The following VPS13A variants were observed in gnomAD, a reference collection of about 807,000 sequenced individuals.
VPS13A encodes the protein intermembrane lipid transfer protein VPS13A.
VPS13A carries 264 observed loss-of-function variants against 390.9 expected under a neutral mutation model. The ratio of observed to expected loss-of-function variants is 0.68; its 90% confidence interval spans 0.61 to 0.75. The LOEUF is 0.75. Ranked by LOEUF, VPS13A falls within the 30% of genes least tolerant of loss-of-function variation. The pLI is 0.00. For missense variants in VPS13A, 3,409 were observed against 3,733.9 expected (o/e 0.91, Z 2.27); for synonymous variants, 1,231 against 1,227.1 (o/e 1.00, Z -0.07).
intron 42 of VPS13A, among the ~76,000 whole-genome samples, 170 bp from the exon 43 acceptor site, chr9:77,320,999 C>A (rs1309538240): frequency 1.3e-5 from 2 of 151,860 alleles, no homozygotes; most frequent in Non-Finnish European, 1.5e-5. Flanking sequence ...TACTTCTGTC[C>A]TTTATGACCT....
chr9:77,332,206 T>C, intron 46 of VPS13A, 93 bp downstream of exon 46: 1 of 938,838 alleles, frequency 1.1e-6, no homozygotes, highest in South Asian at 1.3e-5. Context: ...AAATCCATCC[T>C]GCTAATAGCT....
chr9:77,294,381 A>G (rs1412579592), intron 32 of VPS13A, among the ~76,000 whole-genome samples: 2 of 151,556 alleles, frequency 1.3e-5, no homozygotes, highest in African/African-American at 4.9e-5. Context: ...GTCAGCTGAT[A>G]TTTTTTCCTG....
intron 19 of VPS13A, among the ~76,000 whole-genome samples, chr9:77,243,726 C>T (rs563035961): frequency 2.6e-5 from 4 of 152,014 alleles, no homozygotes; most frequent in East Asian, 1.9e-4. Flanking sequence ...TAGCAATGAT[C>T]AGAATGGATG....
intron 1 of VPS13A, among the ~76,000 whole-genome samples, chr9:77,182,832 G>A (rs1385756311): frequency 1.3e-5 from 2 of 152,112 alleles, no homozygotes; most frequent in Non-Finnish European, 2.9e-5. Flanking sequence ...TACGTATTCT[G>A]TTTTTGAAAT....
At chr9:77,395,221 G>A (rs555483393) in intron 68 of VPS13A, among the ~76,000 whole-genome samples, 7 of 152,182 alleles carry the variant, frequency 4.6e-5, no homozygotes, top group African/African-American at 1.7e-4. Flanking sequence ...CATTTCACTT[G>A]AACACTTAGA....
intron 1 of VPS13A, among the ~76,000 whole-genome samples, chr9:77,178,372 C>T (rs1192091063): frequency 6.6e-6 from 1 of 152,246 alleles, no homozygotes. Flanking sequence ...CCTTCCGGCC[C>T]TAGGACCCGG....
rs1459362074 is a variant in VPS13A, at chr9:77,419,504, G to C, written c.*3498G>C. The C allele has an allele frequency of 1.3e-5, 2 of 152,190 alleles. No homozygotes were observed. The highest frequency in any genetic ancestry group is 2.9e-5 in the Non-Finnish European group (2 of 68,038). 9.4% of individuals were successfully genotyped at this position (152,190 alleles called of 1,614,324 possible). On this transcript the variant is annotated 3_prime_UTR_variant, in exon 72 of 72. Coordinates refer to ENST00000360280, the MANE Select transcript of VPS13A (RefSeq NM_033305.3). Reference sequence around the variant, plus strand: ...CTGGATTGTGTGGAGCCTGACCTTAGATAAGGAGCAGCAGATCCACAACTC... The same window carrying C: ...CTGGATTGTGTGGAGCCTGACCTTACATAAGGAGCAGCAGATCCACAACTC...
chr9:77,224,005 T>C (rs1321343377), intron 13 of VPS13A, among the ~76,000 whole-genome samples: 1 of 152,142 alleles, frequency 6.6e-6, no homozygotes, highest in Non-Finnish European at 1.5e-5. Context: ...CTGAAACTCT[T>C]AGGGCCCTTA....
intron 19 of VPS13A, among the ~76,000 whole-genome samples, chr9:77,242,054 A>G (rs1042686498): frequency 2.6e-5 from 4 of 152,150 alleles, no homozygotes; most frequent in African/African-American, 7.2e-5. Context: ...TCTTTGGAGT[A>G]AGATCCAATT....
rs964952072 is a variant in VPS13A at position 77,407,525 on chromosome 9, G to A, written c.9400-8G>A. On this transcript the variant is annotated splice_region_variant and splice_polypyrimidine_tract_variant and intron_variant, in intron 70 of 71. Transcript: ENST00000360280. ...TCTTTTTAATGAATTTACATATTCT[G>A]TTTATAGGAACGAGTGAAGTCTGTA... is the stretch of plus-strand genomic sequence containing the variant. 6 of 1,607,864 alleles carry A rather than the reference G, an allele frequency of 3.7e-6. No individual in the cohort carries two copies. Among genetic ancestry groups the A allele is most frequent in the Admixed American group, 1.7e-5 (1 of 59,950 alleles).
chr9:77,286,989 C>T (rs72744280), intron 31 of VPS13A, among the ~76,000 whole-genome samples: 8,426 of 151,910 alleles, frequency 0.055, 334 homozygotes, highest in South Asian at 0.12. Context: ...TAAACTCTGT[C>T]GAGCAAATCT....
At chr9:77,328,378 G>A (rs979151753) in intron 45 of VPS13A, among the ~76,000 whole-genome samples, 6 of 152,102 alleles carry the variant, frequency 3.9e-5, no homozygotes, top group Non-Finnish European at 8.8e-5. Context: ...AAAGGCCCTG[G>A]GATTTTCATA....
rs746332998 is a variant in VPS13A, at chr9:77,407,537, G to C, written c.9404G>C (p.Arg3135Pro). The C allele has an allele frequency of 6.2e-7, 1 of 1,611,472 alleles. No homozygotes were observed. Among genetic ancestry groups the C allele is most frequent in the Non-Finnish European group, 8.5e-7 (1 of 1,178,030 alleles). The change falls in exon 71 of 72, where the codon CGA (arginine) becomes CCA (proline). Residue 3135 changes from arginine to proline, a missense_variant. Physicochemically the swap from Arg to Pro is moderately radical, Grantham distance 103 (BLOSUM62 -2). Transcript: ENST00000360280. ...ATTTACATATTCTGTTTATAGGAAC[G>C]AGTGAAGTCTGTATTTCATGCCAGA... ...GRRLRIEAKE[R>P]VKSVFHAREF... is the part of the protein sequence containing the mutation.
At chr9:77,359,286 T>G (rs369464668) in intron 57 of VPS13A, 47 bp from the exon 58 acceptor site, 12 of 1,525,648 alleles carry the variant, frequency 7.9e-6, no homozygotes, top group Non-Finnish European at 1.1e-5. Context: ...AATGCCTAGC[T>G]TTTGCTTAAA....
In VPS13A at chr9:77,367,953, G is replaced by A. The variant is rs1024592534; in HGVS notation, c.8472-102G>A. On this transcript the variant is annotated intron_variant, in intron 61 of 71. Coordinates refer to ENST00000360280, the MANE Select transcript of VPS13A (RefSeq NM_033305.3). ...CATGGGAAAATGTACTAGAAGGAAA[G>A]GTTTGGAGAAAAGATTCTAAAGAAA... 1.1e-5 allele frequency: 12 copies of A among 1,103,210 alleles called. No homozygotes were observed. The South Asian group carries it at 1.4e-4, about 12-fold the overall frequency. 68.3% of individuals were successfully genotyped at this position (1,103,210 alleles called of 1,614,324 possible).
At chr9:77,322,195 G>C (rs774927305) in intron 44 of VPS13A, among the ~76,000 whole-genome samples, 7 of 142,824 alleles carry the variant, frequency 4.9e-5, no homozygotes, top group Non-Finnish European at 1.1e-4. Flanking sequence ...TTTATAAATG[G>C]TTTTTTTTTT....
intron 33 of VPS13A, among the ~76,000 whole-genome samples, chr9:77,301,907 T>G (rs1193844980): frequency 6.6e-6 from 1 of 152,200 alleles, no homozygotes; most frequent in Non-Finnish European, 1.5e-5. Context: ...AGTTAAAATG[T>G]TTTTATAATG....
intron 46 of VPS13A, among the ~76,000 whole-genome samples, chr9:77,335,904 C>G (rs575804451): frequency 1.3e-5 from 2 of 152,294 alleles, no homozygotes; most frequent in East Asian, 3.9e-4. Context: ...GACAGATACA[C>G]ACATATGTTT....
At chr9:77,333,184 A>C (rs1830367965) in intron 46 of VPS13A, among the ~76,000 whole-genome samples, 1 of 152,206 alleles carries the variant, frequency 6.6e-6, no homozygotes, top group Non-Finnish European at 1.5e-5. Context: ...GGATAATAAA[A>C]GTTAATGATA....
Sources: allele counts gnomAD v4.1 joint callset (sites outside exome capture counted in the v4.1 genomes callset), GRCh38; gene constraint gnomAD v4.1.1; transcripts MANE v1.5; gene names NCBI Gene and HGNC (gene_info 2026-07-23, HGNC 2026-07-21).